Variants in CRPPA observed in about 807,000 individuals in gnomAD.
CRPPA encodes D-ribitol-5-phosphate cytidylyltransferase.
CRPPA carries 43 observed loss-of-function variants against 52.0 expected under a neutral mutation model. That is an observed-to-expected ratio of 0.83 (90% confidence interval 0.65 to 1.07). The LOEUF is 1.07. CRPPA is among the 50% of genes least tolerant of loss of function. The probability of loss-of-function intolerance (pLI) is 0.00; values close to 1 mark genes in which losing one functional copy is unlikely to be tolerated. For missense variants in CRPPA, 629 were observed against 551.7 expected, an observed-to-expected ratio of 1.14 and a Z score of -1.40; for synonymous variants, 250 against 203.5, an observed-to-expected ratio of 1.23 and a Z score of -1.94.
In CRPPA at chr7:16,303,477, T is replaced by TAAAAAAAAAAAAAAAAAAAAA. The variant is rs545663821; in HGVS notation, c.790-2032_790-2012dup. Among the ~76,000 whole-genome samples, 379 of 44,948 alleles carry TAAAAAAAAAAAAAAAAAAAAA rather than the reference T, an allele frequency of 8.4e-3. 31 individuals carry two copies. Among genetic ancestry groups the TAAAAAAAAAAAAAAAAAAAAA allele is most frequent in the East Asian group, 0.024 (23 of 946 alleles). 29.5% of individuals were successfully genotyped at this position (44,948 alleles called of 152,430 possible). On this transcript the variant is annotated intron_variant, in intron 4 of 9. Transcript: ENST00000407010. ...GTTTCTGTGTTGAGACATAAAATAG[T>TAAAAAAAAAAAAAAAAAAAAA]AAAAAAAAAAAAAAAAAAAAAAAAA...
At chr7:16,148,088 A>G in intron 9 of CRPPA, among the ~76,000 whole-genome samples, 1 of 152,264 alleles carries the variant, frequency 6.6e-6, no homozygotes, top group African/African-American at 2.4e-5. Flanking sequence ...TTATATACAT[A>G]CCTTATTTCT....
At chr7:16,092,050 A>G (rs994111245) in intron 9 of CRPPA, among the ~76,000 whole-genome samples, 2 of 152,232 alleles carry the variant, frequency 1.3e-5, no homozygotes, top group Admixed American at 6.5e-5. Flanking sequence ...AAATGCTAAC[A>G]GAAAGAAAAG....
At chr7:16,199,988 G>A (rs774942495) in intron 9 of CRPPA, among the ~76,000 whole-genome samples, 5 of 151,586 alleles carry the variant, frequency 3.3e-5, no homozygotes, top group Non-Finnish European at 4.4e-5. Context: ...CTGCTGAGTA[G>A]CTGGGATTAG....
intron 9 of CRPPA, among the ~76,000 whole-genome samples, chr7:16,205,308 G>A (rs968268705): frequency 2.8e-4 from 43 of 152,160 alleles, no homozygotes; most frequent in African/African-American, 1.0e-3. Context: ...GAAAATCCAT[G>A]TTCTCATGAT....
At chr7:16,203,096 C>T (rs1306952952) in intron 9 of CRPPA, among the ~76,000 whole-genome samples, 1 of 152,098 alleles carries the variant, frequency 6.6e-6, no homozygotes, top group Non-Finnish European at 1.5e-5. Flanking sequence ...GCTTTAAGGT[C>T]CCCTGAAAAT....
At chr7:16,094,337 A>C (rs1012029161) in intron 9 of CRPPA, among the ~76,000 whole-genome samples, 2 of 152,216 alleles carry the variant, frequency 1.3e-5, no homozygotes, top group African/African-American at 4.8e-5. Flanking sequence ...TATATTCAGG[A>C]AACTCTAGTA....
At chr7:16,211,395 C>A (rs1316581232) in intron 9 of CRPPA, among the ~76,000 whole-genome samples, 5 of 152,116 alleles carry the variant, frequency 3.3e-5, no homozygotes, top group Admixed American at 3.3e-4. Context: ...AGCCTGATTA[C>A]TTTGAAGAGG....
At chr7:16,176,520 A>G (rs1527198) in intron 9 of CRPPA, among the ~76,000 whole-genome samples, 46,006 of 152,122 alleles carry the variant, frequency 0.3, 8,349 homozygotes, top group Admixed American at 0.41. Context: ...CAAGAATAGT[A>G]AGTGCTATTG....
At chr7:16,227,965 T>C (rs1175605407) in intron 8 of CRPPA, among the ~76,000 whole-genome samples, 1 of 151,932 alleles carries the variant, frequency 6.6e-6, no homozygotes, top group Non-Finnish European at 1.5e-5. Context: ...TGTGTGGATA[T>C]TCAGTTATCC....
chr7:16,168,534 AACACACACACACACACACACAC>A (rs61189058), intron 9 of CRPPA, among the ~76,000 whole-genome samples: 2 of 143,160 alleles, frequency 1.4e-5, no homozygotes, highest in Non-Finnish European at 3.1e-5. Context: ...AGTGAAGTAA[AACACACACACACACACACACAC>A]ACACACACAC....
intron 9 of CRPPA, among the ~76,000 whole-genome samples, chr7:16,186,808 CAG>C (rs34850559): frequency 0.29 from 44,704 of 151,768 alleles, 6,936 homozygotes; most frequent in East Asian, 0.51. Context: ...GCAGATATAA[CAG>C]AGCAAAATCT....
At chr7:16,189,089 C>T (rs1781558200) in intron 9 of CRPPA, among the ~76,000 whole-genome samples, 1 of 152,060 alleles carries the variant, frequency 6.6e-6, no homozygotes, top group African/African-American at 2.4e-5. Flanking sequence ...GATATAAACA[C>T]ACATTAAAAA....
chr7:16,284,146 T>C (rs565366844), intron 5 of CRPPA, among the ~76,000 whole-genome samples: 108 of 152,172 alleles, frequency 7.1e-4, no homozygotes, highest in African/African-American at 2.6e-3. Flanking sequence ...GGAGATGGAC[T>C]TGAAAAGTCT....
At chr7:16,181,916 G>A (rs1024866509) in intron 9 of CRPPA, among the ~76,000 whole-genome samples, 35 of 151,748 alleles carry the variant, frequency 2.3e-4, no homozygotes, top group African/African-American at 7.5e-4. Flanking sequence ...TTTTTAAGCT[G>A]TTTAATATAT....
rs181293509 is a variant in CRPPA, at chr7:16,385,617, C to A, written c.535-9376G>T. On this transcript the variant is annotated intron_variant, in intron 2 of 9. Coordinates refer to ENST00000407010, the MANE Select transcript of CRPPA (RefSeq NM_001101426.4). ...GATTCATCTTAGAAAAAAGTAGCAA[C>A]AAATGTTCAGCCTGAAGGACATTTG... 5.2e-4 allele frequency among the ~76,000 whole-genome samples: 79 copies of A among 152,250 alleles called. 1 individual carries two copies. The highest frequency in any genetic ancestry group is 5.7e-4 in the Non-Finnish European group (39 of 67,998).
Position 16,258,424 on chromosome 7 carries a change from C to G in CRPPA, c.1085G>C (p.Ser362Thr). The change falls in exon 8 of 10, where the codon AGT becomes ACT. Residue 362 changes from serine to threonine, a missense_variant. Physicochemically the swap from Ser to Thr is moderately conservative, Grantham distance 58 (BLOSUM62 1). Coordinates refer to ENST00000407010, the MANE Select transcript of CRPPA (RefSeq NM_001101426.4). ...AACAACAGGATATAAAATGCAAAGACTACTCTCTTCAAGCATGCTCAGTAA... is the reference window on the plus strand; with the variant it reads ...AACAACAGGATATAAAATGCAAAGAGTACTCTCTTCAAGCATGCTCAGTAA... ...QKLLSMLEES[S>T]LCILYPVVVV... The G allele has an allele frequency of 6.2e-7, 1 of 1,607,304 alleles. No individual in the cohort carries two copies. The highest frequency in any genetic ancestry group is 8.5e-7 in the Non-Finnish European group (1 of 1,176,716).
intron 9 of CRPPA, among the ~76,000 whole-genome samples, chr7:16,208,051 T>C (rs916416093): frequency 1.3e-5 from 2 of 152,190 alleles, no homozygotes; most frequent in Non-Finnish European, 2.9e-5. Context: ...ACTGTATGCA[T>C]CTCAACTTTC....
At chr7:16,166,383 G>A (rs1331895907) in intron 9 of CRPPA, among the ~76,000 whole-genome samples, 3 of 151,898 alleles carry the variant, frequency 2.0e-5, no homozygotes, top group East Asian at 1.9e-4. Flanking sequence ...AGGTTCCAGC[G>A]ATTCTCCTGC....
intron 4 of CRPPA, among the ~76,000 whole-genome samples, chr7:16,304,156 A>G (rs1365721319): frequency 6.6e-6 from 1 of 152,154 alleles, no homozygotes; most frequent in Non-Finnish European, 1.5e-5. Flanking sequence ...ATGAAATCTC[A>G]TCAAAATAAG....
Sources: gnomAD v4.1 joint callset for allele counts (sites outside exome capture counted in the v4.1 genomes callset) on GRCh38, gnomAD v4.1.1 for gene constraint, MANE v1.5 for transcripts, NCBI Gene and HGNC (gene_info 2026-07-23, HGNC 2026-07-21) for gene names.